Variants in PCDH11X observed in about 807,000 individuals in gnomAD.
The protein encoded by PCDH11X is protocadherin-11 X-linked.
PCDH11X carries 18 observed loss-of-function variants against 53.3 expected under a neutral mutation model. The ratio of observed to expected loss-of-function variants is 0.34; its 90% CI spans 0.23 to 0.50. PCDH11X has a LOEUF of 0.50. PCDH11X is among the 20% of genes least tolerant of loss of function. The pLI, the probability that PCDH11X is intolerant of heterozygous loss-of-function variation, is 0.98. For missense variants in PCDH11X, 570 were observed against 1,032.4 expected (o/e 0.55, Z 6.14); for synonymous variants, 279 against 393.3 (o/e 0.71, Z 3.44).
intron 10 of PCDH11X, among the ~76,000 whole-genome samples, chrX:92,514,623 C>T (rs1442392454): frequency 5.5e-5 from 6 of 108,203 alleles, no homozygotes; most frequent in Non-Finnish European, 1.1e-4. Flanking sequence ...CCCAGCTACT[C>T]GGGCGGCTGA....
intron 6 of PCDH11X, among the ~76,000 whole-genome samples, chrX:91,993,839 T>C (rs2062366496): frequency 9.1e-6 from 1 of 109,509 alleles, no homozygotes; most frequent in Non-Finnish European, 1.9e-5. Context: ...TTCTTTCTGG[T>C]AATTGGCCTG....
chrX:92,499,978 T>C (rs1222875926), intron 10 of PCDH11X, among the ~76,000 whole-genome samples: 6 of 111,154 alleles, frequency 5.4e-5, no homozygotes, highest in Non-Finnish European at 1.1e-4. Context: ...ACTGTAAATA[T>C]GTATTTTTTT....
intron 4 of PCDH11X, among the ~76,000 whole-genome samples, chrX:91,829,929 C>A (rs1232953458): frequency 1.8e-5 from 2 of 109,709 alleles, no homozygotes; most frequent in Non-Finnish European, 3.8e-5. Flanking sequence ...TACTTGTTGA[C>A]AAAGTACAGT....
rs757734945 is a variant in PCDH11X, at chrX:91,822,556, TTCTC to T, written c.-45+11265_-45+11268del. ...ATTTTTTATTGCGTCTATTTGATTC[TTCTC>T]TCTTTTTTTCTTTATTAGTCTTGCT... On this transcript the variant is annotated intron_variant, in intron 4 of 10. Transcript: ENST00000682573. Among the ~76,000 whole-genome samples, 74 of 108,658 alleles carry T rather than the reference TTCTC, an allele frequency of 6.8e-4. No individual in the cohort carries two copies. In the South Asian group the frequency reaches 0.031, roughly 45 times the overall value. 94.4% of individuals were successfully genotyped at this position (108,658 alleles called of 115,157 possible).
At chrX:92,147,810 C>CCTTTCTTTCTTTCTCTTTCTTT (rs2065297279) in intron 6 of PCDH11X, among the ~76,000 whole-genome samples, 1 of 70,198 alleles carries the variant, frequency 1.4e-5, no homozygotes, top group East Asian at 5.3e-4. Context: ...TTTCTTCCTT[C>CCTTTCTTTCTTTCTCTTTCTTT]CTTTCTTTCT....
intron 9 of PCDH11X, among the ~76,000 whole-genome samples, chrX:92,428,637 C>A (rs1236352041): frequency 1.8e-5 from 2 of 111,064 alleles, no homozygotes; most frequent in African/African-American, 3.3e-5. Flanking sequence ...TATATTATAG[C>A]AAACTCTTGT....
intron 8 of PCDH11X, among the ~76,000 whole-genome samples, chrX:92,375,172 T>A (rs868127051): frequency 2.9e-3 from 58 of 20,085 alleles, no homozygotes; most frequent in African/African-American, 4.4e-3. Flanking sequence ...ATATATTTTT[T>A]TTTTTTTTTT....
intron 8 of PCDH11X, among the ~76,000 whole-genome samples, chrX:92,331,279 T>TTTCTTCTTCTTCTTTTTCTTCTTC (rs2069461555): frequency 3.8e-5 from 2 of 53,210 alleles, no homozygotes; most frequent in African/African-American, 7.3e-5. Flanking sequence ...CCTCCTCCTC[T>TTTCTTCTTCTTCTTTTTCTTCTTC]TTCTTCTTCT....
At chrX:92,327,290 A>G (rs1210293116) in intron 8 of PCDH11X, among the ~76,000 whole-genome samples, 2 of 97,126 alleles carry the variant, frequency 2.1e-5, no homozygotes, top group East Asian at 6.4e-4. Context: ...TCTTAAAAAT[A>G]CAACTTTGTG....
chrX:91,786,234 T>C (rs1187557272), intron 1 of PCDH11X, among the ~76,000 whole-genome samples: 9 of 106,769 alleles, frequency 8.4e-5, no homozygotes, highest in African/African-American at 3.1e-4. Flanking sequence ...ACAATTTTTG[T>C]TTCCAGCCCA....
intron 5 of PCDH11X, among the ~76,000 whole-genome samples, chrX:91,865,620 G>A (rs891914780): frequency 4.5e-5 from 5 of 111,928 alleles, no homozygotes; most frequent in African/African-American, 1.6e-4. Context: ...TGGGTACAGA[G>A]GTGCCATCTG....
chrX:92,265,757 G>T (rs1422535767), intron 8 of PCDH11X, among the ~76,000 whole-genome samples: 1 of 111,542 alleles, frequency 9.0e-6, no homozygotes, highest in Non-Finnish European at 1.9e-5. Flanking sequence ...AAGAGCCAGG[G>T]TTTGAACTCA....
At chrX:92,468,351 C>G (rs1213297166) in intron 10 of PCDH11X, 29 bp downstream of exon 10, 16 of 1,168,210 alleles carry the variant, frequency 1.4e-5, no homozygotes, top group Non-Finnish European at 1.8e-5. Flanking sequence ...CAAACCATCA[C>G]CATGTTGCAT....
intron 6 of PCDH11X, among the ~76,000 whole-genome samples, chrX:92,141,533 C>T (rs906652222): frequency 8.9e-6 from 1 of 111,912 alleles, no homozygotes; most frequent in African/African-American, 3.2e-5. Flanking sequence ...TTCGCTTCCC[C>T]ATTTTAAATT....
chrX:92,240,584 G>A (rs1433966019), intron 7 of PCDH11X, among the ~76,000 whole-genome samples: 1 of 111,634 alleles, frequency 9.0e-6, no homozygotes, highest in Non-Finnish European at 1.9e-5. Flanking sequence ...TTAGAATTCT[G>A]CCTGAAACAA....
At chrX:92,132,382 G>A (rs1328212868) in intron 6 of PCDH11X, among the ~76,000 whole-genome samples, 1 of 94,919 alleles carries the variant, frequency 1.1e-5, no homozygotes, top group African/African-American at 3.9e-5. Flanking sequence ...GGCCGAGGCA[G>A]TTGGATCAAG....
intron 6 of PCDH11X, among the ~76,000 whole-genome samples, chrX:92,053,985 G>T (rs1317019013): frequency 9.0e-6 from 1 of 111,691 alleles, no homozygotes. Flanking sequence ...ATGAGGAAAT[G>T]AAGGCTAAGA....
chrX:92,357,422 C>A (rs1208299375), intron 8 of PCDH11X, among the ~76,000 whole-genome samples: 2 of 110,307 alleles, frequency 1.8e-5, no homozygotes, highest in African/African-American at 6.6e-5. Flanking sequence ...TTGTTCCTAC[C>A]AAAATTCATG....
At chrX:92,204,936 T>C (rs1176973871) in intron 7 of PCDH11X, among the ~76,000 whole-genome samples, 1 of 111,709 alleles carries the variant, frequency 9.0e-6, no homozygotes, top group Non-Finnish European at 1.9e-5. Context: ...GATCTCATGA[T>C]AATTTAATAT....
Sources: allele counts gnomAD v4.1 joint callset (sites outside exome capture counted in the v4.1 genomes callset), GRCh38; gene constraint gnomAD v4.1.1; transcripts MANE v1.5; gene names NCBI Gene and HGNC (gene_info 2026-07-23, HGNC 2026-07-21).